Variants in ERG observed in about 807,000 individuals in gnomAD.
The protein encoded by ERG is transcriptional regulator ERG.
A neutral mutation model predicts 55.3 loss-of-function variants in ERG; 9 were observed. The ratio of observed to expected loss-of-function variants is 0.16; its 90% CI spans 0.10 to 0.28. The LOEUF (loss-of-function observed/expected upper bound fraction) is 0.28. Among genes scored for constraint, ERG ranks in the 10% least tolerant of loss-of-function variants. The pLI, the probability that ERG is intolerant of heterozygous loss-of-function variation, is 1.00. For synonymous variants in ERG, 223 were observed against 237.3 expected (o/e 0.94, Z 0.55); for missense variants, 434 against 631.6 (o/e 0.69, Z 3.35).
rs919226212 is a variant in ERG at position 38,383,652 on chromosome 21, C to T, written c.1191G>A (p.Gln397=). The T allele has an allele frequency of 1.2e-6, 2 of 1,614,102 alleles. No homozygotes were observed. The highest frequency in any genetic ancestry group is 1.7e-6 in the Non-Finnish European group (2 of 1,180,020). The change falls in exon 10 of 10, where the codon CAG becomes CAA. Residue 397 remains glutamine, a synonymous_variant. Coordinates refer to ENST00000288319, the MANE Select transcript of ERG (RefSeq NM_182918.4). The surrounding 1 kb of genome is among the most constrained non-coding windows in gnomAD (Gnocchi z 5.7). The part of the protein sequence containing the change: ...AYKFDFHGIA[Q]ALQPHPPESS... ...ACTCCGGGGGGTGGGGCTGGAGGGC[C>T]TGGGCGATCCCGTGGAAGTCGAACT... is the stretch of plus-strand genomic sequence containing the variant.
chr21:38,461,430 A>G (rs572718168), intron 1 of ERG, among the ~76,000 whole-genome samples: 7 of 152,320 alleles, frequency 4.6e-5, no homozygotes, highest in African/African-American at 1.7e-4. Flanking sequence ...TAGGACTTCA[A>G]CATAACTCAG....
intron 1 of ERG, among the ~76,000 whole-genome samples, chr21:38,625,526 C>T (rs1460080354): frequency 2.0e-5 from 3 of 152,110 alleles, no homozygotes; most frequent in African/African-American, 7.2e-5. Context: ...TGAAACATCC[C>T]TTAGGGAACA....
chr21:38,559,173 A>T (rs2059876674), intron 2 of ERG, among the ~76,000 whole-genome samples: 1 of 152,168 alleles, frequency 6.6e-6, no homozygotes, highest in Non-Finnish European at 1.5e-5. Flanking sequence ...GAGCAGAACA[A>T]GGAAATCCAT....
chr21:38,590,978 G>A (rs934235512), intron 1 of ERG, among the ~76,000 whole-genome samples: 1 of 152,206 alleles, frequency 6.6e-6, no homozygotes, highest in Non-Finnish European at 1.5e-5. Flanking sequence ...AAGTCCAGGG[G>A]TGAAAGGGGC....
chr21:38,481,287 T>C (rs2059236071), intron 1 of ERG, among the ~76,000 whole-genome samples: 2 of 152,206 alleles, frequency 1.3e-5, no homozygotes, highest in Non-Finnish European at 2.9e-5. Flanking sequence ...AAGATTTCAA[T>C]ATGCATCATT....
chr21:38,579,655 C>T (rs565363615), intron 1 of ERG, among the ~76,000 whole-genome samples: 2 of 152,284 alleles, frequency 1.3e-5, no homozygotes, highest in East Asian at 3.9e-4. Context: ...GAGCTTCTCA[C>T]ACCGCCACCA....
At chr21:38,389,171 T>C (rs1381664105) in intron 9 of ERG, among the ~76,000 whole-genome samples, 1 of 152,168 alleles carries the variant, frequency 6.6e-6, no homozygotes. Context: ...TCATACTTAG[T>C]CAGTGGCAGA....
intron 2 of ERG, among the ~76,000 whole-genome samples, chr21:38,543,949 C>T (rs147724709): frequency 2.0e-5 from 3 of 152,046 alleles, no homozygotes; most frequent in Admixed American, 6.5e-5. Flanking sequence ...GTTGGCCAGG[C>T]TGGTCGTCTC....
At chr21:38,418,693 G>A (rs1179876301) in intron 3 of ERG, among the ~76,000 whole-genome samples, 1 of 152,120 alleles carries the variant, frequency 6.6e-6, no homozygotes, top group East Asian at 1.9e-4. Context: ...TTGGGAGGCC[G>A]AGGTGGGCGG....
chr21:38,499,621 G>C (rs76578877), upstream of ERG, among the ~76,000 whole-genome samples: 2,338 of 152,122 alleles, frequency 0.015, 71 homozygotes, highest in African/African-American at 0.053. Context: ...GCCGGCATGT[G>C]TCAGAGTTCT....
chr21:38,615,093 G>C (rs745879342), intron 1 of ERG, among the ~76,000 whole-genome samples: 3 of 152,114 alleles, frequency 2.0e-5, no homozygotes, highest in Non-Finnish European at 2.9e-5. Flanking sequence ...TTATGAAAAG[G>C]CCAGTGCAAA....
intron 3 of ERG, among the ~76,000 whole-genome samples, chr21:38,419,996 T>C (rs965057261): frequency 6.6e-6 from 1 of 152,102 alleles, no homozygotes; most frequent in African/African-American, 2.4e-5. Flanking sequence ...TCGGCATGTA[T>C]TGATGATGGT....
chr21:38,424,365 A>G (rs767925545), intron 2 of ERG, among the ~76,000 whole-genome samples: 29 of 152,204 alleles, frequency 1.9e-4, no homozygotes, highest in Non-Finnish European at 4.1e-4. Context: ...CCATTGTTTC[A>G]GCCAGCCAGT....
At chr21:38,624,223 G>A (rs1165591967) in intron 1 of ERG, among the ~76,000 whole-genome samples, 2 of 151,476 alleles carry the variant, frequency 1.3e-5, no homozygotes, top group Non-Finnish European at 2.9e-5. Flanking sequence ...CAAGCACCTG[G>A]CTGCATGCTC....
rs1158155612 is a variant in ERG at position 38,382,936 on chromosome 21, CTT to C, written c.*465_*466del. ...CCACAGTCTCTCTCGTGTCTTTTCT[CTT>C]GTTTTTGATATGTTTCTATTTTTAA... is the stretch of plus-strand genomic sequence containing the variant. On this transcript the variant is annotated 3_prime_UTR_variant, in exon 10 of 10. Transcript: ENST00000288319. 20 of 1,066,554 alleles carry C rather than the reference CTT, an allele frequency of 1.9e-5. No individual in the cohort carries two copies. The highest frequency in any genetic ancestry group is 3.3e-5 in the African/African-American group (2 of 61,108). The allele number at this position is 1,066,554 out of a possible 1,614,324, so 66.1% of individuals were successfully genotyped here.
intron 3 of ERG, among the ~76,000 whole-genome samples, chr21:38,422,520 G>A (rs532311777): frequency 2.0e-5 from 3 of 152,340 alleles, no homozygotes; most frequent in East Asian, 1.9e-4. Flanking sequence ...TTGAGATCAC[G>A]TTTCTAAAGC....
chr21:38,574,877 G>A (rs566027469), intron 2 of ERG, among the ~76,000 whole-genome samples: 2 of 152,336 alleles, frequency 1.3e-5, no homozygotes, highest in Non-Finnish European at 1.5e-5. Context: ...CAGCACAGGT[G>A]TAGACAGCCT....
chr21:38,462,405 A>G (rs1227791957), intron 1 of ERG, among the ~76,000 whole-genome samples: 6 of 152,206 alleles, frequency 3.9e-5, no homozygotes, highest in Non-Finnish European at 8.8e-5. Context: ...CAATCTTAAG[A>G]ACGTAAAGGG....
intron 2 of ERG, among the ~76,000 whole-genome samples, chr21:38,425,556 T>C (rs949017837): frequency 7.9e-5 from 12 of 152,180 alleles, no homozygotes; most frequent in Non-Finnish European, 1.6e-4. Context: ...TATTAATATT[T>C]AGGGTCTGTT....
Sources: gnomAD v4.1 joint callset for allele counts (sites outside exome capture counted in the v4.1 genomes callset) on GRCh38, gnomAD v4.1.1 for gene constraint, Gnocchi (gnomAD v3.1) non-coding constraint, MANE v1.5 for transcripts, NCBI Gene and HGNC (gene_info 2026-07-23, HGNC 2026-07-21) for gene names.